Variants in STXBP5 observed in about 807,000 individuals in gnomAD.
The protein encoded by STXBP5 is syntaxin binding protein 5, also known as syntaxin-binding protein 5.
In STXBP5, 50 loss-of-function variants were observed where a neutral mutation model predicts 152.4. The ratio of observed to expected loss-of-function variants is 0.33; its 90% CI spans 0.26 to 0.42. The LOEUF (loss-of-function observed/expected upper bound fraction) is 0.42, where lower values mean the gene tolerates loss of function less well. Ranked by LOEUF, STXBP5 falls within the 10% of genes least tolerant of loss-of-function variation. The pLI, the probability that STXBP5 is intolerant of heterozygous loss-of-function variation, is 1.00. For missense variants in STXBP5, 1,167 were observed against 1,388.6 expected (o/e 0.84, Z 2.54); for synonymous variants, 492 against 494.7 (o/e 0.99, Z 0.07).
At chr6:147,247,982 G>A (rs1192609059) in intron 4 of STXBP5, among the ~76,000 whole-genome samples, 1 of 151,454 alleles carries the variant, frequency 6.6e-6, no homozygotes, top group Non-Finnish European at 1.5e-5. Context: ...TATAAGAAGA[G>A]TACTTAGCTC....
At chr6:147,211,308 CAA>C (rs60677588) in intron 2 of STXBP5, among the ~76,000 whole-genome samples, 23 of 67,038 alleles carry the variant, frequency 3.4e-4, no homozygotes, top group Non-Finnish European at 4.0e-4. Flanking sequence ...GACTCTGTCT[CAA>C]AAAAAAAAAA....
intron 26 of STXBP5, among the ~76,000 whole-genome samples, chr6:147,376,609 G>A (rs1459962230): frequency 6.6e-6 from 1 of 152,100 alleles, no homozygotes; most frequent in Non-Finnish European, 1.5e-5. Flanking sequence ...TGGAGACCAG[G>A]AGTTCGAGAC....
Position 147,327,357 on chromosome 6 carries a change from G to C in STXBP5, c.2080+81G>C. On this transcript the variant is annotated intron_variant, in intron 18 of 27. Transcript: ENST00000321680. ...TACTTTTGTGAATATAAGTATTATA[G>C]TTAGGTAAATAGCTTGCCTGATTTA... 3 of 1,482,164 alleles carry C rather than the reference G, an allele frequency of 2.0e-6. No homozygotes were observed. The South Asian group carries it at 4.1e-5, about 20-fold the overall frequency. 91.8% of individuals were successfully genotyped at this position (1,482,164 alleles called of 1,614,324 possible).
intron 16 of STXBP5, among the ~76,000 whole-genome samples, chr6:147,322,750 T>G (rs1393583771): frequency 1.3e-5 from 2 of 152,246 alleles, no homozygotes; most frequent in Non-Finnish European, 2.9e-5. Context: ...GTAGAGTTTT[T>G]TACAATAAAA....
At chr6:147,236,456 C>T (rs1221635072) in intron 3 of STXBP5, among the ~76,000 whole-genome samples, 3 of 152,094 alleles carry the variant, frequency 2.0e-5, no homozygotes, top group Non-Finnish European at 4.4e-5. Flanking sequence ...TCTGTGTACC[C>T]TTCTTTTAGC....
chr6:147,382,655 T>G (rs530777625), intron 26 of STXBP5, 123 bp from the exon 27 acceptor site: 1 of 969,684 alleles, frequency 1.0e-6, no homozygotes, highest in Non-Finnish European at 1.6e-6. Flanking sequence ...CATATTTCAC[T>G]TTATAATTTT....
intron 21 of STXBP5, among the ~76,000 whole-genome samples, chr6:147,349,949 A>C (rs1453000085): frequency 6.6e-6 from 1 of 152,218 alleles, no homozygotes; most frequent in Non-Finnish European, 1.5e-5. Context: ...GAGATTGCTT[A>C]AAATTTTATC....
At chr6:147,274,357 G>A (rs1213059895) in intron 7 of STXBP5, among the ~76,000 whole-genome samples, 1 of 151,994 alleles carries the variant, frequency 6.6e-6, no homozygotes, top group Non-Finnish European at 1.5e-5. Context: ...AAGGGCAGTG[G>A]TTTCAGTTTA....
intron 2 of STXBP5, among the ~76,000 whole-genome samples, chr6:147,212,368 A>G (rs913544672): frequency 6.6e-6 from 1 of 152,152 alleles, no homozygotes; most frequent in Non-Finnish European, 1.5e-5. Flanking sequence ...TGAAATTACA[A>G]CCTAACTTTG....
chr6:147,263,364 A>G (rs1374986704), intron 6 of STXBP5, among the ~76,000 whole-genome samples: 3 of 97,536 alleles, frequency 3.1e-5, no homozygotes, highest in Non-Finnish European at 6.7e-5. Context: ...TTTTTTTTAA[A>G]TTTTTTAATT....
At chr6:147,322,142 G>C in intron 16 of STXBP5, among the ~76,000 whole-genome samples, 1 of 152,048 alleles carries the variant, frequency 6.6e-6, no homozygotes, top group South Asian at 2.1e-4. Flanking sequence ...GAGGGAGGGA[G>C]GACACTTCCT....
At chr6:147,379,317 T>C (rs1271941294) in intron 26 of STXBP5, among the ~76,000 whole-genome samples, 1 of 152,148 alleles carries the variant, frequency 6.6e-6, no homozygotes, top group Non-Finnish European at 1.5e-5. Context: ...CCATAGTATT[T>C]CTTTTAATTC....
chr6:147,262,732 C>T (rs1660687), intron 6 of STXBP5, among the ~76,000 whole-genome samples: 48,059 of 151,440 alleles, frequency 0.32, 9,130 homozygotes, highest in East Asian at 0.43. Flanking sequence ...GATTGCCTTA[C>T]GTTATAGTTG....
chr6:147,231,404 GGGT>G (rs1778001678), intron 2 of STXBP5, among the ~76,000 whole-genome samples: 1 of 151,758 alleles, frequency 6.6e-6, no homozygotes, highest in Non-Finnish European at 1.5e-5. Context: ...CATGTATCAT[GGGT>G]CAGATAAATT....
intron 21 of STXBP5, among the ~76,000 whole-genome samples, chr6:147,347,577 A>T (rs1421693698): frequency 6.6e-6 from 1 of 152,228 alleles, no homozygotes; most frequent in African/African-American, 2.4e-5. Context: ...TAATATAACT[A>T]ATACAAATCA....
chr6:147,372,194 T>G (rs145249451), intron 25 of STXBP5, among the ~76,000 whole-genome samples: 4,627 of 152,052 alleles, frequency 0.03, 123 homozygotes, highest in Admixed American at 0.081. Context: ...TTGTGTAATG[T>G]TAATAATTAT....
chr6:147,270,722 T>C (rs1780123961), intron 7 of STXBP5, among the ~76,000 whole-genome samples: 1 of 152,126 alleles, frequency 6.6e-6, no homozygotes, highest in Non-Finnish European at 1.5e-5. Context: ...ATGTGGTAGA[T>C]ATAAAAACTT....
intron 8 of STXBP5, among the ~76,000 whole-genome samples, chr6:147,282,797 G>T (rs75245209): frequency 0.021 from 3,155 of 152,218 alleles, 95 homozygotes; most frequent in African/African-American, 0.072. Flanking sequence ...CCCCTGTAGC[G>T]CAGGGTTGAG....
chr6:147,293,135 A>G (rs1037517188), intron 9 of STXBP5: 1 of 152,210 alleles, frequency 6.6e-6, no homozygotes, highest in African/African-American at 2.4e-5. Context: ...GTAATAGGCT[A>G]TACAATATAG....
Sources: gnomAD v4.1 joint callset for allele counts (sites outside exome capture counted in the v4.1 genomes callset) on GRCh38, gnomAD v4.1.1 for gene constraint, MANE v1.5 for transcripts, NCBI Gene and HGNC (gene_info 2026-07-23, HGNC 2026-07-21) for gene names.